CADM1: variants seen among roughly 807,000 people sequenced by gnomAD.
CADM1 encodes the protein TSLC-1.
In CADM1, 15 loss-of-function variants were observed where a neutral mutation model predicts 53.1. The observed-to-expected ratio is 0.28, with a 90% confidence interval of 0.19 to 0.44. The LOEUF is 0.44. Among genes scored for constraint, CADM1 ranks in the 20% least tolerant of loss-of-function variants. The pLI is 1.00. For synonymous variants in CADM1, 281 were observed against 243.0 expected, an observed-to-expected ratio of 1.16 and a Z score of -1.45; for missense variants, 434 against 611.3, an observed-to-expected ratio of 0.71 and a Z score of 3.06.
At chr11:115,431,748 T>C (rs1035087136) in intron 1 of CADM1, among the ~76,000 whole-genome samples, 2 of 152,032 alleles carry the variant, frequency 1.3e-5, no homozygotes, top group Non-Finnish European at 2.9e-5. Flanking sequence ...CAGCCCTTCA[T>C]ATCTCAGCTC....
At chr11:115,431,253 CT>C (rs938253004) in intron 1 of CADM1, among the ~76,000 whole-genome samples, 2 of 152,086 alleles carry the variant, frequency 1.3e-5, no homozygotes, top group African/African-American at 4.8e-5. Flanking sequence ...TTTATATGGC[CT>C]CATAACTATA....
chr11:115,280,719 C>T (rs1375226129), intron 1 of CADM1, among the ~76,000 whole-genome samples: 1 of 152,222 alleles, frequency 6.6e-6, no homozygotes, highest in Non-Finnish European at 1.5e-5. Flanking sequence ...CAGAATTAAA[C>T]AAGGCAGTCT....
chr11:115,190,505 T>C, intron 10 of CADM1: 1 of 171,122 alleles, frequency 5.8e-6, no homozygotes, highest in Non-Finnish European at 1.3e-5. Flanking sequence ...CTTGTTTTTT[T>C]TTTTAAAAAA....
chr11:115,491,789 C>G (rs1949502949), intron 1 of CADM1, among the ~76,000 whole-genome samples: 1 of 152,138 alleles, frequency 6.6e-6, no homozygotes, highest in South Asian at 2.1e-4. Context: ...AGGATGAGAT[C>G]ATGTCCTTTG....
intron 1 of CADM1, among the ~76,000 whole-genome samples, chr11:115,276,671 C>A (rs187599418): frequency 6.6e-6 from 1 of 152,130 alleles, no homozygotes; most frequent in African/African-American, 2.4e-5. Context: ...AATTAAGTTT[C>A]CTTATTTGTC....
chr11:115,333,061 T>G (rs552949824), intron 1 of CADM1, among the ~76,000 whole-genome samples: 1 of 152,290 alleles, frequency 6.6e-6, no homozygotes, highest in South Asian at 2.1e-4. Context: ...TTCTCCCTGA[T>G]GTCCCATCAG....
intron 1 of CADM1, among the ~76,000 whole-genome samples, chr11:115,498,148 C>A (rs1288349399): frequency 2.0e-5 from 3 of 151,952 alleles, no homozygotes; most frequent in Admixed American, 2.0e-4. Flanking sequence ...AGGTAGTAAC[C>A]TTTTCTCTCC....
At chr11:115,313,389 C>G (rs1003244046) in intron 1 of CADM1, among the ~76,000 whole-genome samples, 1 of 152,068 alleles carries the variant, frequency 6.6e-6, no homozygotes, top group Non-Finnish European at 1.5e-5. Flanking sequence ...ACTACTGAGT[C>G]CTTGACATTA....
chr11:115,302,477 T>TGG (rs1340239822), intron 1 of CADM1, among the ~76,000 whole-genome samples: 2 of 152,024 alleles, frequency 1.3e-5, no homozygotes, highest in East Asian at 3.9e-4. Context: ...GAAAATACAG[T>TGG]GGGAAAGGTA....
Position 115,175,524 on chromosome 11 carries a change from TC to T in CADM1, c.*949del. 1.0e-6 allele frequency: 1 copy of T among 985,418 alleles called. No individual in the cohort carries two copies. Among genetic ancestry groups the T allele is most frequent in the Non-Finnish European group, 1.2e-6 (1 of 829,972 alleles). The allele number at this position is 985,418 out of a possible 1,614,324, so 61.0% of individuals were successfully genotyped here. On this transcript the variant is annotated 3_prime_UTR_variant, in exon 12 of 12. Transcript: ENST00000331581. ...GAAACAACCAGAGCAGAACTGTATT[TC>T]CCCCCTCCCTACTTCCCCTCCTGTG...
At chr11:115,410,642 G>A (rs532596761) in intron 1 of CADM1, among the ~76,000 whole-genome samples, 5 of 152,152 alleles carry the variant, frequency 3.3e-5, no homozygotes, top group East Asian at 1.9e-4. Flanking sequence ...GGTGCTCTTC[G>A]ATGTTTAAAA....
At chr11:115,412,603 A>T (rs771091296) in intron 1 of CADM1, among the ~76,000 whole-genome samples, 1 of 152,182 alleles carries the variant, frequency 6.6e-6, no homozygotes, top group Non-Finnish European at 1.5e-5. Flanking sequence ...TATAAGACAA[A>T]TTTTAGCAGT....
chr11:115,263,701 C>A (rs1348485655), intron 1 of CADM1, among the ~76,000 whole-genome samples: 1 of 152,060 alleles, frequency 6.6e-6, no homozygotes, highest in Non-Finnish European at 1.5e-5. Context: ...ATTGCGAGTT[C>A]TTTCTGTTAT....
At chr11:115,229,331 T>C in intron 4 of CADM1, 60 bp from the exon 5 acceptor site, 1 of 1,522,290 alleles carries the variant, frequency 6.6e-7, no homozygotes. Flanking sequence ...CAGTTTGTTT[T>C]TATGTCCTCC....
intron 1 of CADM1, among the ~76,000 whole-genome samples, chr11:115,389,168 A>T (rs1264840766): frequency 6.6e-6 from 1 of 152,144 alleles, no homozygotes; most frequent in African/African-American, 2.4e-5. Flanking sequence ...TCACAGACAC[A>T]AATGATAAAG....
At position 115,240,372 on chromosome 11, in the gene CADM1, T is replaced by A; in HGVS notation, c.173A>T (p.Glu58Val). The change falls in exon 2 of 12, where the codon GAG becomes GTG. Residue 58 changes from glutamate (E) to valine (V), a missense_variant. Transcript: ENST00000331581. ...GACTTGGCAACTGATGGTCGCAACC[T>A]CTCCCTCGATCACTGTCACGTCTTT... The part of the protein sequence containing the change: ...FTKDVTVIEG[E>V]VATISCQVNK... 1 of 1,613,576 alleles carries A rather than the reference T, an allele frequency of 6.2e-7. No homozygotes were observed. Among genetic ancestry groups the A allele is most frequent in the East Asian group, 2.2e-5 (1 of 44,828 alleles).
chr11:115,426,787 G>A (rs560222156), intron 1 of CADM1, among the ~76,000 whole-genome samples: 45 of 151,824 alleles, frequency 3.0e-4, no homozygotes, highest in African/African-American at 8.7e-4. Flanking sequence ...GATAATTTCC[G>A]TTAAAATGAC....
chr11:115,420,160 C>A (rs1255016801), intron 1 of CADM1, among the ~76,000 whole-genome samples: 1 of 152,180 alleles, frequency 6.6e-6, no homozygotes, highest in African/African-American at 2.4e-5. Flanking sequence ...CCTTAAGCTC[C>A]TCTGAAACAT....
At chr11:115,184,726 AG>A (rs1330499507) in intron 10 of CADM1, among the ~76,000 whole-genome samples, 3 of 152,246 alleles carry the variant, frequency 2.0e-5, no homozygotes, top group African/African-American at 7.2e-5. Flanking sequence ...AACGTTTCAA[AG>A]GAGCTATGTT....
Sources: allele counts gnomAD v4.1 joint callset (sites outside exome capture counted in the v4.1 genomes callset), GRCh38; gene constraint gnomAD v4.1.1; transcripts MANE v1.5; gene names NCBI Gene and HGNC (gene_info 2026-07-23, HGNC 2026-07-21).